LRP1B: variants seen among roughly 807,000 people sequenced by gnomAD.
LRP1B encodes low-density lipoprotein receptor-related protein 1B.
A neutral mutation model predicts 556.6 loss-of-function variants in LRP1B; 217 were observed. The ratio of observed to expected loss-of-function variants is 0.39; its 90% CI spans 0.35 to 0.44. LRP1B has a LOEUF of 0.44. Among genes scored for constraint, LRP1B ranks in the 20% least tolerant of loss-of-function variants. The probability of loss-of-function intolerance (pLI) is 1.00; values close to 1 mark genes in which losing one functional copy is unlikely to be tolerated. For missense variants in LRP1B, 5,053 were observed against 5,620.8 expected, an observed-to-expected ratio of 0.90 and a Z score of 3.23; for synonymous variants, 2,047 against 1,865.8, an observed-to-expected ratio of 1.10 and a Z score of -2.50.
intron 27 of LRP1B, among the ~76,000 whole-genome samples, chr2:140,862,166 T>C (rs1263758943): frequency 6.6e-6 from 1 of 152,158 alleles, no homozygotes; most frequent in Non-Finnish European, 1.5e-5. Flanking sequence ...ATTCAGCACA[T>C]TTCAAAGTTT....
chr2:141,513,878 T>A (rs188160514), intron 2 of LRP1B, among the ~76,000 whole-genome samples: 1 of 152,268 alleles, frequency 6.6e-6, no homozygotes, highest in Non-Finnish European at 1.5e-5. Flanking sequence ...GAAGTCCATT[T>A]TACATCTCCC....
intron 2 of LRP1B, among the ~76,000 whole-genome samples, chr2:141,511,555 T>C (rs1684132575): frequency 6.6e-6 from 1 of 152,206 alleles, no homozygotes; most frequent in Admixed American, 6.6e-5. Flanking sequence ...CTAACCTCTG[T>C]TTTGTTGTAA....
chr2:141,177,898 A>C (rs1283076193), intron 7 of LRP1B, among the ~76,000 whole-genome samples: 2 of 152,130 alleles, frequency 1.3e-5, no homozygotes, highest in African/African-American at 2.4e-5. Flanking sequence ...TTTACTCTGA[A>C]ACATTGTTTT....
rs555766737 is a variant in LRP1B, at chr2:141,668,934, T to C, written c.205+141345A>G. The stretch of plus-strand genomic sequence containing the variant: ...CCCCATCTCATAAGGGGTTTGAGCA[T>C]GCAGCAACCAAACAGATGAGCAATA... On this transcript the variant is annotated intron_variant, in intron 2 of 90. Transcript: ENST00000389484. 3.9e-5 allele frequency among the ~76,000 whole-genome samples: 6 copies of C among 152,262 alleles called. No homozygotes were observed. The East Asian group carries it at 9.7e-4, about 25-fold the overall frequency.
intron 7 of LRP1B, among the ~76,000 whole-genome samples, chr2:141,124,677 A>G (rs867899090): frequency 4.0e-5 from 6 of 151,190 alleles, no homozygotes; most frequent in South Asian, 2.1e-4. Context: ...AAAAAAAAAA[A>G]AAAGAAAAAA....
chr2:140,343,797 A>T (rs546571382), intron 77 of LRP1B, among the ~76,000 whole-genome samples: 1 of 151,884 alleles, frequency 6.6e-6, no homozygotes, highest in East Asian at 1.9e-4. Flanking sequence ...TGAATCTCAC[A>T]ATCATTGTGC....
rs186277217 is a variant in LRP1B at position 140,425,644 on chromosome 2, G to T, written c.10414+16860C>A. ...CAGGCTGGTCTTGAACTCCTGACCT[G>T]GTGATCCTGCCTCAGCATCCCAAAG... is the stretch of plus-strand genomic sequence containing the variant. On this transcript the variant is annotated intron_variant, in intron 66 of 90. Transcript: ENST00000389484. 1.6e-3 allele frequency among the ~76,000 whole-genome samples: 240 copies of T among 152,190 alleles called. 1 individual carries two copies. Among genetic ancestry groups the T allele is most frequent in the African/African-American group, 5.4e-3 (223 of 41,526 alleles).
chr2:141,459,660 C>T (rs573386001), intron 3 of LRP1B, among the ~76,000 whole-genome samples: 3 of 152,144 alleles, frequency 2.0e-5, no homozygotes, highest in Admixed American at 6.5e-5. Context: ...CTAAGTCTCA[C>T]GAGATCTGAT....
At chr2:141,880,796 G>A (rs1698932677) in intron 1 of LRP1B, among the ~76,000 whole-genome samples, 1 of 152,032 alleles carries the variant, frequency 6.6e-6, no homozygotes, top group African/African-American at 2.4e-5. Context: ...GCTTGGTTGT[G>A]AGTAAAAGGT....
intron 2 of LRP1B, among the ~76,000 whole-genome samples, chr2:141,659,990 A>G (rs778290367): frequency 2.6e-5 from 4 of 152,168 alleles, no homozygotes; most frequent in Non-Finnish European, 5.9e-5. Flanking sequence ...GAAGGGATTG[A>G]CAAAGGAGAA....
rs116499285 is a variant in LRP1B, at chr2:140,596,806, A to C, written c.7194+1825T>G. Among the ~76,000 whole-genome samples the C allele has an allele frequency of 8.4e-3, 1,275 of 152,192 alleles. 17 individuals are homozygous for C. Among genetic ancestry groups the C allele is most frequent in the Middle Eastern group, 0.041 (12 of 292 alleles). ...CAAGTACTAAACTTCTTTGTGCCTCATTTTCTTCATCTGCAAATGGGGATC... is the reference window on the plus strand; with the variant it reads ...CAAGTACTAAACTTCTTTGTGCCTCCTTTTCTTCATCTGCAAATGGGGATC... On this transcript the variant is annotated intron_variant, in intron 43 of 90. Coordinates refer to ENST00000389484, the MANE Select transcript of LRP1B (RefSeq NM_018557.3).
chr2:140,311,225 C>T (rs185480893), intron 83 of LRP1B, among the ~76,000 whole-genome samples: 3 of 151,700 alleles, frequency 2.0e-5, no homozygotes, highest in African/African-American at 4.8e-5. Flanking sequence ...ACATATGGCA[C>T]GTGTATGTTT....
intron 79 of LRP1B, among the ~76,000 whole-genome samples, chr2:140,334,181 G>A (rs1022203830): frequency 1.3e-5 from 2 of 151,828 alleles, no homozygotes; most frequent in African/African-American, 4.8e-5. Flanking sequence ...GCTATAAACT[G>A]TCAAAATTTC....
At chr2:140,825,633 T>C (rs1193863502) in intron 31 of LRP1B, among the ~76,000 whole-genome samples, 1 of 152,182 alleles carries the variant, frequency 6.6e-6, no homozygotes, top group Non-Finnish European at 1.5e-5. Flanking sequence ...TGTATAATAT[T>C]AGTCGTAACA....
intron 1 of LRP1B, among the ~76,000 whole-genome samples, chr2:141,919,057 G>A (rs1363285606): frequency 6.6e-6 from 1 of 151,954 alleles, no homozygotes. Context: ...TCAATATGCA[G>A]CTTTAAAAAG....
intron 60 of LRP1B, among the ~76,000 whole-genome samples, chr2:140,461,525 T>C (rs1028512883): frequency 1.3e-5 from 2 of 152,156 alleles, no homozygotes; most frequent in Non-Finnish European, 2.9e-5. Flanking sequence ...CAGCAATCAC[T>C]GTAATTTATT....
chr2:141,664,404 G>C (rs1193804854), intron 2 of LRP1B, among the ~76,000 whole-genome samples: 1 of 152,184 alleles, frequency 6.6e-6, no homozygotes, highest in Non-Finnish European at 1.5e-5. Context: ...AATAGGAAGA[G>C]AGGAATTCAG....
chr2:140,294,335 TTTG>T, intron 84 of LRP1B, among the ~76,000 whole-genome samples: 1 of 152,316 alleles, frequency 6.6e-6, no homozygotes, highest in South Asian at 2.1e-4. Flanking sequence ...AAATTGATCT[TTTG>T]TTAACATTTA....
intron 3 of LRP1B, among the ~76,000 whole-genome samples, chr2:141,431,331 T>A (rs1680557291): frequency 6.6e-6 from 1 of 151,942 alleles, no homozygotes; most frequent in Non-Finnish European, 1.5e-5. Flanking sequence ...AGGCTACACA[T>A]ACGGACTGAG....
Sources: allele counts gnomAD v4.1 joint callset (sites outside exome capture counted in the v4.1 genomes callset), GRCh38; gene constraint gnomAD v4.1.1; transcripts MANE v1.5; gene names NCBI Gene and HGNC (gene_info 2026-07-23, HGNC 2026-07-21).